Variants in ITGA2 observed in about 807,000 individuals in gnomAD.
ITGA2 encodes the protein integrin alpha-2.
A neutral mutation model predicts 146.3 loss-of-function variants in ITGA2; 101 were observed. The observed-to-expected ratio is 0.69, with a 90% CI of 0.59 to 0.81. The LOEUF (loss-of-function observed/expected upper bound fraction) is 0.81, where lower values mean the gene tolerates loss of function less well. ITGA2 is among the 40% of genes least tolerant of loss of function. The pLI, the probability that ITGA2 is intolerant of heterozygous loss-of-function variation, is 0.00. For missense variants in ITGA2, 1,281 were observed against 1,402.7 expected, an observed-to-expected ratio of 0.91 and a Z score of 1.39; for synonymous variants, 477 against 487.1, an observed-to-expected ratio of 0.98 and a Z score of 0.27.
chr5:53,020,818 A>G (rs1742645028), intron 1 of ITGA2, among the ~76,000 whole-genome samples: 1 of 150,364 alleles, frequency 6.7e-6, no homozygotes, highest in Admixed American at 6.6e-5. Context: ...AGTAGCTGGG[A>G]CTACAGGTAT....
At chr5:53,061,089 A>G in intron 12 of ITGA2, 43 bp downstream of exon 12, 1 of 1,603,938 alleles carries the variant, frequency 6.2e-7, no homozygotes, top group Non-Finnish European at 8.5e-7. Context: ...TTTAGGGGCA[A>G]CTGGGCAGGT....
chr5:53,032,512 A>G (rs1743272895), intron 2 of ITGA2, among the ~76,000 whole-genome samples: 1 of 152,202 alleles, frequency 6.6e-6, no homozygotes, highest in Non-Finnish European at 1.5e-5. Context: ...AAGATTACAG[A>G]GCTGATAATT....
chr5:52,989,368 C>A lies in ITGA2; in HGVS notation c.-101C>A. On this transcript the variant is annotated 5_prime_UTR_variant, in exon 1 of 30. Transcript: ENST00000296585. Reference sequence around the variant, plus strand: ...GGGCGGGGGAGAGAAGCCCTCTGGACAGCTTCTAGAGTGTGCAGGTTCTCG... The same window carrying A: ...GGGCGGGGGAGAGAAGCCCTCTGGAAAGCTTCTAGAGTGTGCAGGTTCTCG... 8.0e-7 allele frequency: 1 copy of A among 1,246,402 alleles called. No homozygotes were observed. The highest frequency in any genetic ancestry group is 1.2e-6 in the Non-Finnish European group (1 of 849,498). 77.2% of individuals were successfully genotyped at this position (1,246,402 alleles called of 1,614,324 possible). A position where few individuals can be genotyped will look rare whatever the true frequency, so the allele number is the denominator to read the frequency against.
Position 53,067,605 on chromosome 5 carries a change from C to A in ITGA2, c.2083+348C>A, listed in dbSNP as rs1745204852. ...TGAACTGCCACTCAAATGACTATAT[C>A]ATGTTGGCTATGCCATGATCTATAT... On this transcript the variant is annotated intron_variant, in intron 16 of 29. Transcript: ENST00000296585. Among the ~76,000 whole-genome samples the A allele has an allele frequency of 3.9e-5, 6 of 152,016 alleles. No individual in the cohort carries two copies. The South Asian group carries it at 1.2e-3, about 31-fold the overall frequency.
chr5:53,000,905 T>TTG (rs1554052011), intron 1 of ITGA2, among the ~76,000 whole-genome samples: 6 of 144,956 alleles, frequency 4.1e-5, no homozygotes, highest in Non-Finnish European at 1.5e-5. Context: ...TTGTTTTTTT[T>TTG]TTTTTTTTTT....
chr5:53,072,516 G>A, intron 18 of ITGA2, 97 bp from the exon 19 acceptor site: 1 of 798,928 alleles, frequency 1.3e-6, no homozygotes, highest in East Asian at 2.7e-5. Flanking sequence ...GTTTGGTTTT[G>A]TACTTTATGT....
At chr5:53,080,707 C>T (rs1325117865) in intron 25 of ITGA2, 86 bp downstream of exon 25, 4 of 989,928 alleles carry the variant, frequency 4.0e-6, no homozygotes, top group Admixed American at 3.5e-5. Flanking sequence ...TGACATTTTA[C>T]AGATGGGAAA....
chr5:53,029,674 A>G (rs1463123426), intron 2 of ITGA2, among the ~76,000 whole-genome samples: 2 of 152,174 alleles, frequency 1.3e-5, no homozygotes, highest in East Asian at 3.9e-4. Context: ...ACTTGTTTAT[A>G]TGCTCATTAT....
intron 24 of ITGA2, among the ~76,000 whole-genome samples, chr5:53,080,259 T>G (rs1001382618): frequency 6.6e-6 from 1 of 152,172 alleles, no homozygotes; most frequent in African/African-American, 2.4e-5. Flanking sequence ...TGGGAGTTAC[T>G]TATATCCTAC....
At position 53,073,218 on chromosome 5, in the gene ITGA2, G is replaced by A; in HGVS notation, c.2530G>A (p.Asp844Asn). The A allele has an allele frequency of 6.2e-7, 1 of 1,612,516 alleles. No individual in the cohort carries two copies. The highest frequency in any genetic ancestry group is 8.5e-7 in the Non-Finnish European group (1 of 1,178,928). Residue 844 changes from aspartate to asparagine, a missense_variant, in exon 20 of 30, where the codon GAT becomes AAT. Physicochemically the swap from Asp to Asn is conservative, Grantham distance 23. This residue lies in a region of ITGA2 where 475 missense variants were observed against 530.5 expected (regional missense o/e 0.90). Transcript: ENST00000296585. The part of the protein sequence containing the change: ...ESAYNTGIVV[D>N]FSENLFFASF... ...TGCATACAACACTGGAATTGTTGTTGATTTTTCAGAAAACTTGTTTTTTGC... is the reference window on the plus strand; with the variant it reads ...TGCATACAACACTGGAATTGTTGTTAATTTTTCAGAAAACTTGTTTTTTGC...
chr5:52,999,367 A>G (rs984036045), intron 1 of ITGA2, among the ~76,000 whole-genome samples: 1 of 152,246 alleles, frequency 6.6e-6, no homozygotes. Flanking sequence ...AGACAAATGC[A>G]TAAAAGGTAA....
chr5:53,061,037 A>C lies in ITGA2; in HGVS notation c.1449A>C (p.Arg483=), dbSNP rs747747152. The change falls in exon 12 of 30, where the codon CGA becomes CGC. Residue 483 remains arginine (R), a synonymous_variant. Coordinates refer to ENST00000296585, the MANE Select transcript of ITGA2 (RefSeq NM_002203.4). ...NGNITVIQAH[R]GDQIGSYFGS... ...ATATCACGGTTATTCAGGCTCACCG[A>C]GGTGACCAGGTAAATCTCACTGTTT... The C allele has an allele frequency of 6.2e-7, 1 of 1,612,108 alleles. No individual in the cohort carries two copies. The highest frequency in any genetic ancestry group is 8.5e-7 in the Non-Finnish European group (1 of 1,178,682).
At position 53,061,066 on chromosome 5, in the gene ITGA2, A is replaced by C; in HGVS notation, c.1458+20A>C. 6 of 1,611,378 alleles carry C rather than the reference A, an allele frequency of 3.7e-6. No homozygotes were observed. Among genetic ancestry groups the C allele is most frequent in the Non-Finnish European group, 5.1e-6 (6 of 1,178,118 alleles). On this transcript the variant is annotated intron_variant, in intron 12 of 29. Transcript: ENST00000296585. The stretch of plus-strand genomic sequence containing the variant: ...GACCAGGTAAATCTCACTGTTTAGC[A>C]GGTGAAATTAATTTTAGGGGCAACT...
intron 2 of ITGA2, among the ~76,000 whole-genome samples, chr5:53,028,121 C>T (rs778512249): frequency 2.0e-5 from 3 of 152,066 alleles, no homozygotes; most frequent in Non-Finnish European, 2.9e-5. Flanking sequence ...AATTCATAAG[C>T]CTTTTTTTCT....
At chr5:53,029,958 G>A (rs1047206953) in intron 2 of ITGA2, among the ~76,000 whole-genome samples, 1 of 152,190 alleles carries the variant, frequency 6.6e-6, no homozygotes, top group Non-Finnish European at 1.5e-5. Context: ...CTGGCACCGA[G>A]TTTGAAGCAA....
intron 14 of ITGA2, 76 bp from the exon 15 acceptor site, chr5:53,065,765 T>C (rs972487324): frequency 3.2e-6 from 5 of 1,586,868 alleles, no homozygotes; most frequent in South Asian, 1.1e-5. Context: ...GAAAATATAA[T>C]AATGAAATTC....
At chr5:53,063,313 A>T (rs1419414700) in intron 13 of ITGA2, among the ~76,000 whole-genome samples, 2 of 151,936 alleles carry the variant, frequency 1.3e-5, no homozygotes, top group Non-Finnish European at 2.9e-5. Flanking sequence ...TCTTGTTATC[A>T]GTTGACAGTG....
chr5:53,032,600 A>T (rs1743277602), intron 2 of ITGA2, among the ~76,000 whole-genome samples: 1 of 152,228 alleles, frequency 6.6e-6, no homozygotes, highest in Non-Finnish European at 1.5e-5. Flanking sequence ...TCCAAGAAGG[A>T]GAGTGACAGG....
At chr5:53,074,552 T>G (rs1041691243) in intron 21 of ITGA2, 75 bp downstream of exon 21, 2 of 1,150,664 alleles carry the variant, frequency 1.7e-6, no homozygotes, top group Admixed American at 1.8e-5. Context: ...ACATAACATC[T>G]TGCTATCATG....
Sources: gnomAD v4.1 joint callset for allele counts (sites outside exome capture counted in the v4.1 genomes callset) on GRCh38, gnomAD v4.1.1 for gene constraint, gnomAD v4.1.1 regional missense constraint, MANE v1.5 for transcripts, NCBI Gene and HGNC (gene_info 2026-07-23, HGNC 2026-07-21) for gene names.